The following GRID1 variants were observed in gnomAD, a reference collection of about 807,000 sequenced individuals.
The protein encoded by GRID1 is glutamate receptor ionotropic, delta-1.
In GRID1, 28 loss-of-function variants were observed where a neutral mutation model predicts 98.0. The ratio of observed to expected loss-of-function variants is 0.29; its 90% CI spans 0.21 to 0.39. The LOEUF (loss-of-function observed/expected upper bound fraction) is 0.39. Among genes scored for constraint, GRID1 ranks in the 10% least tolerant of loss-of-function variants. The pLI is 1.00. For synonymous variants in GRID1, 553 were observed against 538.5 expected (o/e 1.03, Z -0.37); for missense variants, 1,111 against 1,340.5 (o/e 0.83, Z 2.67).
intron 2 of GRID1, among the ~76,000 whole-genome samples, chr10:86,294,475 C>T (rs761095941): frequency 3.9e-5 from 6 of 152,166 alleles, no homozygotes; most frequent in African/African-American, 9.6e-5. Context: ...AGGGGAGAGA[C>T]GATGGTGGCT....
At chr10:85,740,763 T>C (rs1009136850) in intron 8 of GRID1, among the ~76,000 whole-genome samples, 2 of 152,112 alleles carry the variant, frequency 1.3e-5, no homozygotes, top group Non-Finnish European at 2.9e-5. Context: ...GTACTTTTTT[T>C]TTTTTTGCAA....
rs116103519 is a variant in GRID1 at position 85,867,169 on chromosome 10, C to T, written c.951+1841G>A. Among the ~76,000 whole-genome samples the T allele has an allele frequency of 2.1e-3, 320 of 152,336 alleles. 2 individuals are homozygous for T. The highest frequency in any genetic ancestry group is 7.0e-3 in the African/African-American group (289 of 41,570). Reference sequence around the variant, plus strand: ...CCAAAGGGCCCACCTGCGCCTTTCACCCACAGCAAAAGGGGGCATCACAGG... The same window carrying T: ...CCAAAGGGCCCACCTGCGCCTTTCATCCACAGCAAAAGGGGGCATCACAGG... On this transcript the variant is annotated intron_variant, in intron 6 of 15. Coordinates refer to ENST00000327946, the MANE Select transcript of GRID1 (RefSeq NM_017551.3).
chr10:86,272,761 G>C (rs928577789), intron 2 of GRID1, among the ~76,000 whole-genome samples: 30 of 152,152 alleles, frequency 2.0e-4, no homozygotes, highest in African/African-American at 7.2e-4. Context: ...CTTTGGGAAA[G>C]TGGTACACTC....
intron 8 of GRID1, among the ~76,000 whole-genome samples, chr10:85,796,009 C>A (rs1292379391): frequency 6.6e-6 from 1 of 152,172 alleles, no homozygotes; most frequent in African/African-American, 2.4e-5. Flanking sequence ...CAAAACCAAA[C>A]CTCTAATCCC....
In GRID1 at chr10:85,907,594, C is replaced by T. The variant is rs1274850258; in HGVS notation, c.780+8592G>A. Among the ~76,000 whole-genome samples the T allele has an allele frequency of 1.3e-5, 2 of 152,082 alleles. 1 individual carries two copies. The highest frequency in any genetic ancestry group is 4.8e-5 in the African/African-American group (2 of 41,406). ...GGCTTCATTGGTAAATTCTAACAAA[C>T]ATTTAGTGGAAAAAATAATAATTAT... is the stretch of plus-strand genomic sequence containing the variant. On this transcript the variant is annotated intron_variant, in intron 5 of 15. Coordinates refer to ENST00000327946, the MANE Select transcript of GRID1 (RefSeq NM_017551.3).
At chr10:85,926,007 T>C (rs1841769544) in intron 4 of GRID1, among the ~76,000 whole-genome samples, 1 of 152,208 alleles carries the variant, frequency 6.6e-6, no homozygotes, top group Admixed American at 6.5e-5. Flanking sequence ...CTGCTGAGTA[T>C]AATTTGTATT....
chr10:85,680,635 G>A (rs1347368662), intron 12 of GRID1, among the ~76,000 whole-genome samples: 1 of 152,046 alleles, frequency 6.6e-6, no homozygotes, highest in Admixed American at 6.5e-5. Context: ...ATCTACCAAA[G>A]GAAAAGAAGT....
chr10:86,233,628 C>T (rs534202040), intron 2 of GRID1, among the ~76,000 whole-genome samples: 1 of 152,264 alleles, frequency 6.6e-6, no homozygotes, highest in South Asian at 2.1e-4. Context: ...CTCCTTCCCT[C>T]CAGAGGGAAC....
At chr10:86,061,698 C>T (rs1843651490) in intron 4 of GRID1, among the ~76,000 whole-genome samples, 1 of 152,178 alleles carries the variant, frequency 6.6e-6, no homozygotes, top group South Asian at 2.1e-4. Flanking sequence ...CCTGCCAGTG[C>T]TCCAAGGGCC....
intron 4 of GRID1, among the ~76,000 whole-genome samples, chr10:85,939,861 T>G (rs992203048): frequency 6.6e-6 from 1 of 151,368 alleles, no homozygotes; most frequent in African/African-American, 2.4e-5. Flanking sequence ...AGGTCAGGAG[T>G]TCGAGACCAG....
At chr10:86,007,824 T>TTA (rs1380179626) in intron 4 of GRID1, among the ~76,000 whole-genome samples, 2 of 138,706 alleles carry the variant, frequency 1.4e-5, no homozygotes, top group Non-Finnish European at 3.0e-5. Context: ...TTGTGTTTTT[T>TTA]TATTTATTTA....
At chr10:85,802,031 AAATCT>A (rs1468646204) in intron 8 of GRID1, among the ~76,000 whole-genome samples, 1 of 152,114 alleles carries the variant, frequency 6.6e-6, no homozygotes, top group African/African-American at 2.4e-5. Flanking sequence ...AATAGCAAAT[AAATCT>A]AACAAAAATG....
chr10:86,013,237 G>C (rs977647486), intron 4 of GRID1, among the ~76,000 whole-genome samples: 2 of 152,070 alleles, frequency 1.3e-5, no homozygotes, highest in African/African-American at 4.8e-5. Flanking sequence ...AAGGCCAAAA[G>C]GGCAAAATGT....
At chr10:85,958,337 AACAAT>A (rs1225523598) in intron 4 of GRID1, among the ~76,000 whole-genome samples, 1 of 152,138 alleles carries the variant, frequency 6.6e-6, no homozygotes, top group Non-Finnish European at 1.5e-5. Context: ...GAACACACTA[AACAAT>A]ACAATACCCA....
chr10:86,174,946 C>T (rs1205372707), intron 3 of GRID1, among the ~76,000 whole-genome samples: 1 of 152,000 alleles, frequency 6.6e-6, no homozygotes, highest in Admixed American at 6.5e-5. Context: ...AATGAGATAC[C>T]ATCTCACACC....
chr10:85,957,935 G>C (rs1322290492), intron 4 of GRID1, among the ~76,000 whole-genome samples: 1 of 152,206 alleles, frequency 6.6e-6, no homozygotes, highest in African/African-American at 2.4e-5. Context: ...TGCAAGTAAG[G>C]ACCTTCCCCA....
intron 3 of GRID1, among the ~76,000 whole-genome samples, chr10:86,198,278 G>A: frequency 6.6e-6 from 1 of 152,102 alleles, no homozygotes; most frequent in African/African-American, 2.4e-5. Context: ...AGCCTTGGCA[G>A]CTCAGCTCCT....
At chr10:85,933,562 C>A (rs1453671566) in intron 4 of GRID1, among the ~76,000 whole-genome samples, 2 of 152,170 alleles carry the variant, frequency 1.3e-5, no homozygotes, top group Admixed American at 6.5e-5. Context: ...ACAAGGAATT[C>A]TCTGCTCCAA....
intron 12 of GRID1, among the ~76,000 whole-genome samples, chr10:85,719,313 C>T (rs893295352): frequency 1.3e-5 from 2 of 152,218 alleles, no homozygotes; most frequent in Non-Finnish European, 2.9e-5. Flanking sequence ...TTACCCAATT[C>T]CAAAGTCGCT....
Sources: gnomAD v4.1 joint callset for allele counts (sites outside exome capture counted in the v4.1 genomes callset) on GRCh38, gnomAD v4.1.1 for gene constraint, MANE v1.5 for transcripts, NCBI Gene and HGNC (gene_info 2026-07-23, HGNC 2026-07-21) for gene names.